Variants in TPD52L1 observed in about 807,000 individuals in gnomAD.
TPD52L1 encodes TPD52 like 1, also known as tumor protein D53.
TPD52L1 carries 18 observed loss-of-function variants against 28.7 expected under a neutral mutation model. The observed-to-expected ratio is 0.63, with a 90% confidence interval of 0.43 to 0.93. TPD52L1 has a LOEUF of 0.93. TPD52L1 is among the 40% of genes least tolerant of loss of function. The probability of loss-of-function intolerance (pLI) is 0.00; values close to 1 mark genes in which losing one functional copy is unlikely to be tolerated. For synonymous variants in TPD52L1, 75 were observed against 88.8 expected, an observed-to-expected ratio of 0.84 and a Z score of 0.88; for missense variants, 203 against 254.8, an observed-to-expected ratio of 0.80 and a Z score of 1.39.
intron 6 of TPD52L1, among the ~76,000 whole-genome samples, chr6:125,259,400 T>C (rs1369994614): frequency 6.6e-6 from 1 of 152,226 alleles, no homozygotes; most frequent in Non-Finnish European, 1.5e-5. Context: ...AATTCTGTAG[T>C]TTGTTTTTCC....
chr6:125,185,894 A>AT (rs536833440), intron 1 of TPD52L1, among the ~76,000 whole-genome samples: 16,594 of 130,204 alleles, frequency 0.13, 2,617 homozygotes, highest in African/African-American at 0.36. Flanking sequence ...TGGAAATTTG[A>AT]TTTTTTTTTT....
chr6:125,190,961 A>C (rs1792995814), intron 1 of TPD52L1, among the ~76,000 whole-genome samples: 1 of 152,212 alleles, frequency 6.6e-6, no homozygotes, highest in African/African-American at 2.4e-5. Context: ...AGTATGTTGT[A>C]CTGAATATAT....
chr6:125,192,942 T>C (rs1793158099), intron 1 of TPD52L1, among the ~76,000 whole-genome samples: 1 of 152,244 alleles, frequency 6.6e-6, no homozygotes, highest in Non-Finnish European at 1.5e-5. Flanking sequence ...GGGCTGGTTG[T>C]TGATAATAAT....
In TPD52L1 at chr6:125,259,774, A is replaced by G. The variant is rs1797806193; in HGVS notation, c.486+2616A>G. On this transcript the variant is annotated intron_variant, in intron 6 of 6. Coordinates refer to ENST00000534000, the MANE Select transcript of TPD52L1 (RefSeq NM_003287.4). ...TCTTTTTGTATTATGAGAGATTAGG[A>G]AGCCCAACTCAGCGATTCAAATGAA... 2.6e-5 allele frequency among the ~76,000 whole-genome samples: 4 copies of G among 152,372 alleles called. No individual in the cohort carries two copies. In the South Asian group the frequency reaches 8.3e-4, roughly 32 times the overall value.
chr6:125,243,862 A>G (rs1464356634), intron 3 of TPD52L1, among the ~76,000 whole-genome samples: 1 of 152,122 alleles, frequency 6.6e-6, no homozygotes, highest in East Asian at 1.9e-4. Flanking sequence ...CATGGGTGTT[A>G]TAGAACCCTG....
At chr6:125,261,022 AGAAAAG>A (rs1562412148) in intron 6 of TPD52L1, 1 of 43,790 alleles carries the variant, frequency 2.3e-5, no homozygotes, top group South Asian at 1.1e-3. Context: ...AAGAAAGAAA[AGAAAAG>A]AAAGAAAGAA....
intron 1 of TPD52L1, 67 bp downstream of exon 1, chr6:125,154,037 C>T (rs1789949585): frequency 1.3e-6 from 2 of 1,552,286 alleles, no homozygotes; most frequent in Non-Finnish European, 1.7e-6. Flanking sequence ...TTTCCTGCAC[C>T]ACCTAACTTC....
At chr6:125,198,160 G>A (rs1793566855) in intron 1 of TPD52L1, among the ~76,000 whole-genome samples, 1 of 152,128 alleles carries the variant, frequency 6.6e-6, no homozygotes, top group African/African-American at 2.4e-5. Flanking sequence ...TCTACCTTCA[G>A]GGACAGAGGT....
intron 1 of TPD52L1, among the ~76,000 whole-genome samples, chr6:125,175,212 G>T (rs1179920728): frequency 1.3e-5 from 2 of 152,020 alleles, no homozygotes; most frequent in Non-Finnish European, 2.9e-5. Context: ...ACTGTTCATG[G>T]AGAGCACTCT....
Position 125,263,118 on chromosome 6 carries a change from A to G in TPD52L1, c.*156A>G. ...CCCTCCAGAAAGTTTAATGATTTCC[A>G]TTTGTATTTGTGTTGATGATGGACC... On this transcript the variant is annotated 3_prime_UTR_variant, in exon 7 of 7. Transcript: ENST00000534000. The G allele has an allele frequency of 1.1e-6, 1 of 872,774 alleles. No homozygotes were observed. Among genetic ancestry groups the G allele is most frequent in the Non-Finnish European group, 1.7e-6 (1 of 592,444 alleles). 54.1% of individuals were successfully genotyped at this position (872,774 alleles called of 1,614,324 possible). A position where few individuals can be genotyped will look rare whatever the true frequency, so the allele number is the denominator to read the frequency against.
chr6:125,175,083 T>C (rs921937871), intron 1 of TPD52L1, among the ~76,000 whole-genome samples: 2 of 152,196 alleles, frequency 1.3e-5, no homozygotes, highest in South Asian at 4.1e-4. Context: ...CTTCACAAAC[T>C]ATGACATTTT....
intron 2 of TPD52L1, among the ~76,000 whole-genome samples, chr6:125,227,428 G>A (rs897330873): frequency 2.0e-5 from 3 of 152,184 alleles, no homozygotes; most frequent in African/African-American, 7.2e-5. Flanking sequence ...TCCAAGGAAC[G>A]CATTTGCAAG....
At chr6:125,212,476 T>C (rs948768737) in intron 1 of TPD52L1, among the ~76,000 whole-genome samples, 1 of 152,234 alleles carries the variant, frequency 6.6e-6, no homozygotes, top group Non-Finnish European at 1.5e-5. Flanking sequence ...ATCATGGCCA[T>C]GAAGCCACCA....
chr6:125,260,463 TA>T (rs1280269663), intron 6 of TPD52L1: 3 of 152,176 alleles, frequency 2.0e-5, no homozygotes, highest in Non-Finnish European at 2.9e-5. Flanking sequence ...ATTTGAAAAT[TA>T]AATTACATAA....
chr6:125,249,485 C>T (rs1434042330), intron 4 of TPD52L1, among the ~76,000 whole-genome samples: 1 of 151,634 alleles, frequency 6.6e-6, no homozygotes, highest in Non-Finnish European at 1.5e-5. Flanking sequence ...TAGAGACCAG[C>T]CTGACCAACA....
chr6:125,229,019 A>G, intron 2 of TPD52L1, 99 bp from the exon 3 acceptor site: 2 of 1,281,298 alleles, frequency 1.6e-6, no homozygotes, highest in Non-Finnish European at 2.2e-6. Context: ...TTGTATAAAT[A>G]GGAGGGTCAG....
At chr6:125,213,131 T>C (rs1436114457) in intron 1 of TPD52L1, among the ~76,000 whole-genome samples, 3 of 152,234 alleles carry the variant, frequency 2.0e-5, no homozygotes, top group African/African-American at 7.2e-5. Flanking sequence ...TTTTTTAACC[T>C]ATACTTGGTG....
At chr6:125,218,269 T>G (rs1562308043) in intron 1 of TPD52L1, among the ~76,000 whole-genome samples, 1 of 152,208 alleles carries the variant, frequency 6.6e-6, no homozygotes, top group Non-Finnish European at 1.5e-5. Context: ...ATGTCAGACT[T>G]GTAAATTTTT....
intron 4 of TPD52L1, among the ~76,000 whole-genome samples, chr6:125,250,838 C>T (rs763789478): frequency 9.2e-5 from 14 of 152,186 alleles, no homozygotes; most frequent in Non-Finnish European, 1.8e-4. Context: ...GAGGGTACAA[C>T]ATTTTCATTA....
Sources: allele counts gnomAD v4.1 joint callset (sites outside exome capture counted in the v4.1 genomes callset), GRCh38; gene constraint gnomAD v4.1.1; transcripts MANE v1.5; gene names NCBI Gene and HGNC (gene_info 2026-07-23, HGNC 2026-07-21).